Variants in FOXRED2 observed in about 807,000 individuals in gnomAD.
FOXRED2 encodes the protein FAD dependent oxidoreductase domain containing 2.
In FOXRED2, 32 loss-of-function variants were observed where a neutral mutation model predicts 52.5. That is an observed-to-expected ratio of 0.61 (90% CI 0.46 to 0.82). The LOEUF (loss-of-function observed/expected upper bound fraction) is 0.82, where lower values mean the gene tolerates loss of function less well. FOXRED2 is among the 40% of genes least tolerant of loss of function. The pLI, the probability that FOXRED2 is intolerant of heterozygous loss-of-function variation, is 0.00. For synonymous variants in FOXRED2, 405 were observed against 398.1 expected (o/e 1.02, Z -0.21); for missense variants, 848 against 937.5 (o/e 0.90, Z 1.25).
intron 4 of FOXRED2, among the ~76,000 whole-genome samples, chr22:36,503,093 G>T (rs1934098690): frequency 6.6e-6 from 1 of 151,720 alleles, no homozygotes; most frequent in African/African-American, 2.4e-5. Flanking sequence ...GGCTCAAGTA[G>T]TCCTCCCACC....
At chr22:36,493,601 A>G (rs1466374770) in intron 8 of FOXRED2, 32 bp downstream of exon 8, 1 of 1,601,678 alleles carries the variant, frequency 6.2e-7, no homozygotes, top group Non-Finnish European at 8.5e-7. Context: ...CCTGGAGCTC[A>G]GACCCTTTGT....
rs542695536 is a variant in FOXRED2 at position 36,495,196 on chromosome 22, T to A, written c.1624+771A>T. ...GGCTGGTCTTGAACTCCTGACCTTATAATCCGCTTGCCTTGGTCTCTCAAA... is the reference window on the plus strand; with the variant it reads ...GGCTGGTCTTGAACTCCTGACCTTAAAATCCGCTTGCCTTGGTCTCTCAAA... On this transcript the variant is annotated intron_variant, in intron 7 of 8. Transcript: ENST00000397224. 1.4e-3 allele frequency among the ~76,000 whole-genome samples: 217 copies of A among 152,154 alleles called. 1 individual carries two copies. The highest frequency in any genetic ancestry group is 4.5e-3 in the African/African-American group (188 of 41,530).
At position 36,504,503 on chromosome 22, in the gene FOXRED2, G is replaced by C. The variant is rs149421143; in HGVS notation, c.779+12C>G. The stretch of plus-strand genomic sequence containing the variant: ...TCCCAGCACAGAACACACATGCGGG[G>C]ATGTGGCCTACCTGAGGTCTCCAAC... On this transcript the variant is annotated intron_variant, in intron 3 of 8. Coordinates refer to ENST00000397224, the MANE Select transcript of FOXRED2 (RefSeq NM_001102371.2). The C allele has an allele frequency of 6.2e-6, 10 of 1,614,020 alleles. No homozygotes were observed. Among genetic ancestry groups the C allele is most frequent in the Non-Finnish European group, 7.6e-6 (9 of 1,179,962 alleles).
At chr22:36,498,361 G>A (rs1261935844) in intron 5 of FOXRED2, 1 of 584,130 alleles carries the variant, frequency 1.7e-6, no homozygotes. Flanking sequence ...TTTCTGGAAA[G>A]GGCCAGACAA....
intron 1 of FOXRED2, 98 bp from the exon 2 acceptor site, chr22:36,506,521 A>C: frequency 8.3e-7 from 1 of 1,206,874 alleles, no homozygotes; most frequent in East Asian, 2.7e-5. Flanking sequence ...TCTCACTGCA[A>C]TCTGGGTCAC....
At chr22:36,491,445 C>T (rs755817713) in intron 8 of FOXRED2, among the ~76,000 whole-genome samples, 2 of 152,082 alleles carry the variant, frequency 1.3e-5, no homozygotes, top group Non-Finnish European at 2.9e-5. Context: ...GTTGCCCAGG[C>T]AGGCTGGAGT....
intron 5 of FOXRED2, 105 bp downstream of exon 5, chr22:36,501,136 C>G: frequency 3.3e-6 from 4 of 1,201,880 alleles, no homozygotes; most frequent in Non-Finnish European, 4.7e-6. Context: ...GAGCTACTGA[C>G]AAGCAATCCC....
intron 4 of FOXRED2, among the ~76,000 whole-genome samples, chr22:36,501,775 A>G (rs1296668965): frequency 6.6e-6 from 1 of 152,098 alleles, no homozygotes; most frequent in African/African-American, 2.4e-5. Flanking sequence ...GGCACTTATT[A>G]CAGTGGCACT....
chr22:36,505,838 T>C, intron 2 of FOXRED2, 58 bp downstream of exon 2: 1 of 1,544,584 alleles, frequency 6.5e-7, no homozygotes, highest in Non-Finnish European at 8.9e-7. Context: ...AATCAAGGTG[T>C]GTGGTTCGTG....
Position 36,490,189 on chromosome 22 carries a change from A to G in FOXRED2, c.1874T>C (p.Leu625Pro). 6.2e-7 allele frequency: 1 copy of G among 1,614,024 alleles called. No homozygotes were observed. Among genetic ancestry groups the G allele is most frequent in the South Asian group, 1.1e-5 (1 of 91,066 alleles). ...CTGCCAAAGGCTCTCGGTACTCACG[A>G]GTCCCTGCATCCTCAGGTACCCCTG... ...CQQGYLRMQG[L>P]VSTESLWQHR... Residue 625 changes from leucine to proline, a missense_variant, in exon 9 of 9, where the codon CTC becomes CCC. Transcript: ENST00000397224.
In FOXRED2 at chr22:36,505,825, G is replaced by GC. The variant is rs1361336040; in HGVS notation, c.527+70dup. The stretch of plus-strand genomic sequence containing the variant: ...TCGTCCATTCCTCCCATACCTACTG[G>GC]CCAATCAAGGTGTGTGGTTCGTGTG... On this transcript the variant is annotated intron_variant, in intron 2 of 8. Coordinates refer to ENST00000397224, the MANE Select transcript of FOXRED2 (RefSeq NM_001102371.2). The GC allele has an allele frequency of 6.7e-6, 10 of 1,497,188 alleles. No homozygotes were observed. The East Asian group carries it at 1.8e-4, about 27-fold the overall frequency. The allele number at this position is 1,497,188 out of a possible 1,614,324, so 92.7% of individuals were successfully genotyped here. A position where few individuals can be genotyped will look rare whatever the true frequency, so the allele number is the denominator to read the frequency against.
chr22:36,492,161 C>G (rs1933773193), intron 8 of FOXRED2, among the ~76,000 whole-genome samples: 2 of 152,120 alleles, frequency 1.3e-5, no homozygotes, highest in African/African-American at 4.8e-5. Context: ...GGTAAGAGAG[C>G]AGATGAGGAA....
At chr22:36,491,120 C>T (rs1933745347) in intron 8 of FOXRED2, among the ~76,000 whole-genome samples, 1 of 151,804 alleles carries the variant, frequency 6.6e-6, no homozygotes, top group Non-Finnish European at 1.5e-5. Context: ...CAAGATCGTG[C>T]CACTGCACTC....
Position 36,504,558 on chromosome 22 carries a change from G to C in FOXRED2, c.736C>G (p.Arg246Gly). 2 of 1,614,168 alleles carry C rather than the reference G, an allele frequency of 1.2e-6. No individual in the cohort carries two copies. Among genetic ancestry groups the C allele is most frequent in the Non-Finnish European group, 8.5e-7 (1 of 1,180,018 alleles). Residue 246 changes from arginine to glycine, a missense_variant, in exon 3 of 9, where the codon CGG becomes GGG. Physicochemically the swap from Arg to Gly is moderately radical, Grantham distance 125. Coordinates refer to ENST00000397224, the MANE Select transcript of FOXRED2 (RefSeq NM_001102371.2). ...TGGGTGGCCCAGGACAGACGGACCC[G>C]GGAGCGGCTGAGCATATGGATAAAG... ...TNFIHMLSRS[R>G]VRLSWATHYV...
At chr22:36,490,316 G>C (rs769034875) in intron 8 of FOXRED2, 49 bp from the exon 9 acceptor site, 1 of 1,534,214 alleles carries the variant, frequency 6.5e-7, no homozygotes. Flanking sequence ...GACATGTGGG[G>C]AGGGGTGCAG....
intron 8 of FOXRED2, among the ~76,000 whole-genome samples, chr22:36,493,384 A>G (rs1304994548): frequency 6.6e-6 from 1 of 151,574 alleles, no homozygotes. Context: ...GGTTGTAGTG[A>G]GCTGAGATTG....
intron 7 of FOXRED2, 122 bp from the exon 8 acceptor site, chr22:36,493,925 C>T (rs1207654332): frequency 6.3e-6 from 5 of 798,126 alleles, no homozygotes; most frequent in Non-Finnish European, 9.9e-6. Context: ...GCTCGGCTTT[C>T]CCGACAGCCT....
At chr22:36,494,251 G>T (rs1467533750) in intron 7 of FOXRED2, among the ~76,000 whole-genome samples, 1 of 152,038 alleles carries the variant, frequency 6.6e-6, no homozygotes, top group African/African-American at 2.4e-5. Context: ...AGAGTAGCTG[G>T]GATTACAGGT....
In FOXRED2 at chr22:36,488,152, C is replaced by G. The variant is rs537214437; in HGVS notation, c.*1856G>C. On this transcript the variant is annotated 3_prime_UTR_variant, in exon 9 of 9. Coordinates refer to ENST00000397224, the MANE Select transcript of FOXRED2 (RefSeq NM_001102371.2). ...CAAGCCAAGAGGGGAAGAGGACGTC[C>G]CCATGAAAGAGCTTTGGATCCAGAA... The G allele has an allele frequency of 6.6e-6, 1 of 151,732 alleles. No homozygotes were observed. The highest frequency in any genetic ancestry group is 6.6e-5 in the Admixed American group (1 of 15,210). 9.4% of individuals were successfully genotyped at this position (151,732 alleles called of 1,614,324 possible).
Sources: gnomAD v4.1 joint callset for allele counts (sites outside exome capture counted in the v4.1 genomes callset) on GRCh38, gnomAD v4.1.1 for gene constraint, MANE v1.5 for transcripts, NCBI Gene and HGNC (gene_info 2026-07-23, HGNC 2026-07-21) for gene names.